WWOX: variants seen among roughly 807,000 people sequenced by gnomAD.
The protein encoded by WWOX is WW domain containing oxidoreductase.
In WWOX, 69 loss-of-function variants were observed where a neutral mutation model predicts 46.2. The observed-to-expected ratio is 1.49, with a 90% CI of 1.23 to 1.82. The LOEUF (loss-of-function observed/expected upper bound fraction) is 1.82. Ranked by LOEUF, WWOX falls within the 40% of genes most tolerant of loss-of-function variation. The probability of loss-of-function intolerance (pLI) is 0.00; values close to 1 mark genes in which losing one functional copy is unlikely to be tolerated. For synonymous variants in WWOX, 359 were observed against 202.6 expected, an observed-to-expected ratio of 1.77 and a Z score of -6.56; for missense variants, 919 against 542.6, an observed-to-expected ratio of 1.69 and a Z score of -6.89.
At chr16:78,544,845 A>G (rs942960786) in intron 8 of WWOX, among the ~76,000 whole-genome samples, 1 of 152,114 alleles carries the variant, frequency 6.6e-6, no homozygotes, top group African/African-American at 2.4e-5. Flanking sequence ...ACTGCACTCT[A>G]GCATGCGTGA....
chr16:79,195,248 A>G (rs1197367769), intron 8 of WWOX, among the ~76,000 whole-genome samples: 3 of 152,056 alleles, frequency 2.0e-5, no homozygotes, highest in African/African-American at 7.2e-5. Flanking sequence ...GGAGTGTTCT[A>G]GGATCCACAC....
intron 8 of WWOX, among the ~76,000 whole-genome samples, chr16:78,436,575 T>C (rs1567572970): frequency 2.0e-5 from 3 of 152,216 alleles, no homozygotes; most frequent in Non-Finnish European, 4.4e-5. Flanking sequence ...CAGCGTTCTC[T>C]ATATTAGGTT....
At chr16:78,986,944 A>G (rs1308288090) in intron 8 of WWOX, among the ~76,000 whole-genome samples, 1 of 152,118 alleles carries the variant, frequency 6.6e-6, no homozygotes, top group East Asian at 1.9e-4. Flanking sequence ...GTCATGCTAC[A>G]AAAAGTCCCA....
intron 8 of WWOX, among the ~76,000 whole-genome samples, chr16:78,904,110 A>G (rs1304163086): frequency 6.6e-6 from 1 of 152,166 alleles, no homozygotes; most frequent in African/African-American, 2.4e-5. Context: ...AGAAAACTGC[A>G]GAGCTTTTGC....
intron 8 of WWOX, among the ~76,000 whole-genome samples, chr16:78,459,461 C>G (rs1039561396): frequency 2.0e-5 from 3 of 152,140 alleles, no homozygotes; most frequent in Non-Finnish European, 4.4e-5. Context: ...CGTTTTCTTC[C>G]TTTTCTAACT....
chr16:79,036,228 C>T (rs940272492), intron 8 of WWOX, among the ~76,000 whole-genome samples: 3 of 152,186 alleles, frequency 2.0e-5, no homozygotes, highest in African/African-American at 4.8e-5. Context: ...CAGCTTTCTC[C>T]CCACTCTGTC....
chr16:78,102,002 CCTT>C (rs2031826894), intron 1 of WWOX, among the ~76,000 whole-genome samples: 1 of 152,040 alleles, frequency 6.6e-6, no homozygotes, highest in South Asian at 2.1e-4. Context: ...CTCACAGTAA[CCTT>C]CACTTCCTGG....
intron 8 of WWOX, among the ~76,000 whole-genome samples, chr16:78,730,034 A>G (rs1054027139): frequency 6.6e-6 from 1 of 152,190 alleles, no homozygotes; most frequent in Non-Finnish European, 1.5e-5. Flanking sequence ...TCTTATGATA[A>G]GTAACAGTGA....
intron 8 of WWOX, among the ~76,000 whole-genome samples, chr16:78,811,558 A>G (rs1019219819): frequency 6.7e-6 from 1 of 150,304 alleles, no homozygotes; most frequent in African/African-American, 2.5e-5. Flanking sequence ...TCTAGGAGAA[A>G]CGGGGTTTCA....
chr16:78,412,082 C>G (rs923508754), intron 6 of WWOX, among the ~76,000 whole-genome samples: 3 of 152,062 alleles, frequency 2.0e-5, no homozygotes, highest in African/African-American at 4.8e-5. Flanking sequence ...AGTTCATGCT[C>G]CAGAGGTAGT....
intron 1 of WWOX, among the ~76,000 whole-genome samples, chr16:78,103,235 CTCCGCTGTTTTTTTTT>C (rs2031915665): frequency 7.3e-6 from 1 of 137,666 alleles, no homozygotes; most frequent in African/African-American, 2.5e-5. Context: ...GCCTCTCTGG[CTCCGCTGTTTTTTTTT>C]TTTTTTTTTT....
intron 8 of WWOX, among the ~76,000 whole-genome samples, chr16:78,872,422 A>C (rs1025086595): frequency 1.3e-5 from 2 of 152,144 alleles, no homozygotes; most frequent in African/African-American, 4.8e-5. Flanking sequence ...TAAAGAAGGG[A>C]GTTAAAGGAA....
rs538052554 is a variant in WWOX at position 79,117,991 on chromosome 16, T to C, written c.1057-93617T>C. 3.9e-5 allele frequency among the ~76,000 whole-genome samples: 6 copies of C among 152,382 alleles called. No individual in the cohort carries two copies. In the South Asian group the frequency reaches 1.0e-3, roughly 26 times the overall value. On this transcript the variant is annotated intron_variant, in intron 8 of 8. Transcript: ENST00000566780. The stretch of plus-strand genomic sequence containing the variant: ...TGGTTTCTATCATTTGTGTGTTCAC[T>C]AGAATAGCACTTTTAATTTCCTTCA...
intron 6 of WWOX, among the ~76,000 whole-genome samples, chr16:78,417,230 C>G (rs2082818864): frequency 1.3e-5 from 2 of 151,850 alleles, no homozygotes; most frequent in East Asian, 1.9e-4. Context: ...ATGCCACTGG[C>G]TATTTTTATT....
intron 8 of WWOX, among the ~76,000 whole-genome samples, chr16:79,068,700 ACTCAGGAGGCTGAG>A (rs1185760987): frequency 1.3e-5 from 2 of 151,770 alleles, no homozygotes; most frequent in Non-Finnish European, 2.9e-5. Flanking sequence ...GCTCCCAGCC[ACTCAGGAGGCTGAG>A]GTGGGAGGAT....
chr16:78,621,704 A>G (rs1176402870), intron 8 of WWOX, among the ~76,000 whole-genome samples: 1 of 139,000 alleles, frequency 7.2e-6, no homozygotes, highest in Non-Finnish European at 1.5e-5. Flanking sequence ...TCGTGGGTTC[A>G]TGCCATTCTC....
chr16:78,561,534 G>T (rs2044434888), intron 8 of WWOX, among the ~76,000 whole-genome samples: 1 of 152,038 alleles, frequency 6.6e-6, no homozygotes, highest in African/African-American at 2.4e-5. Context: ...GTACACCATG[G>T]ACCGGGAATC....
intron 5 of WWOX, among the ~76,000 whole-genome samples, chr16:78,346,882 GTTTTAT>G (rs2081102775): frequency 1.7e-5 from 2 of 116,634 alleles, no homozygotes; most frequent in African/African-American, 5.9e-5. Context: ...TTTTTGTGTT[GTTTTAT>G]TTTTATTTTA....
At chr16:78,996,421 G>C (rs564854503) in intron 8 of WWOX, 5 of 843,172 alleles carry the variant, frequency 5.9e-6, no homozygotes, top group African/African-American at 4.4e-5. Context: ...TTTGCTCAAA[G>C]TTTGCAAAGA....
Sources: allele counts gnomAD v4.1 joint callset (sites outside exome capture counted in the v4.1 genomes callset), GRCh38; gene constraint gnomAD v4.1.1; transcripts MANE v1.5; gene names NCBI Gene and HGNC (gene_info 2026-07-23, HGNC 2026-07-21).